Variants in PDZD2 observed in about 807,000 individuals in gnomAD.
The protein encoded by PDZD2 is PDZ domain containing 2.
A neutral mutation model predicts 220.7 loss-of-function variants in PDZD2; 90 were observed. The ratio of observed to expected loss-of-function variants is 0.41; its 90% CI spans 0.34 to 0.49. PDZD2 has a LOEUF of 0.49. Among genes scored for constraint, PDZD2 ranks in the 20% least tolerant of loss-of-function variants. The pLI, the probability that PDZD2 is intolerant of heterozygous loss-of-function variation, is 0.28. For synonymous variants in PDZD2, 1,375 were observed against 1,450.5 expected, an observed-to-expected ratio of 0.95 and a Z score of 1.18; for missense variants, 3,174 against 3,608.5, an observed-to-expected ratio of 0.88 and a Z score of 3.08.
Position 31,799,678 on chromosome 5 carries a change from TCA to T in PDZD2, c.432_433del (p.Leu145GlufsTer9). 4.3e-6 allele frequency: 7 copies of T among 1,613,994 alleles called. No homozygotes were observed. Among genetic ancestry groups the T allele is most frequent in the Non-Finnish European group, 5.9e-6 (7 of 1,179,958 alleles). ...GKVRLRDEILSLNGQLMVGVD... is the reference protein window; with the variant it reads ...GKVRLRDEILXLNGQLMVGVD... ...GGTCCGACTGCGGGATGAGATCCTC[TCA>T]CTGAATGGGCAGCTGATGGTTGGAG... On this transcript the variant is annotated frameshift_variant, in exon 2 of 25. Transcript: ENST00000438447. LOFTEE classifies it high-confidence loss of function.
At chr5:31,741,894 G>A (rs572970991) in intron 1 of PDZD2, 2 of 152,252 alleles carry the variant, frequency 1.3e-5, no homozygotes, top group Non-Finnish European at 2.9e-5. Context: ...CTTAACCCAG[G>A]ACCCTGCCTA....
At chr5:31,651,924 ATTTT>A (rs1250982422) in intron 1 of PDZD2, among the ~76,000 whole-genome samples, 26 of 148,472 alleles carry the variant, frequency 1.8e-4, no homozygotes, top group Admixed American at 2.0e-4. Flanking sequence ...GGTTCAAGCA[ATTTT>A]CCTGTCTCAG....
chr5:31,821,679 A>C (rs565639895), intron 2 of PDZD2, among the ~76,000 whole-genome samples: 14 of 151,978 alleles, frequency 9.2e-5, no homozygotes, highest in Non-Finnish European at 2.1e-4. Context: ...GTGCCCGGCC[A>C]TGATTTTTTT....
At chr5:31,700,080 T>C (rs951429199) in intron 1 of PDZD2, among the ~76,000 whole-genome samples, 4 of 152,066 alleles carry the variant, frequency 2.6e-5, no homozygotes, top group Admixed American at 2.6e-4. Context: ...CAGGAGTCTG[T>C]TGCAGTGCAC....
At chr5:32,058,790 C>A (rs141259091) in intron 12 of PDZD2, among the ~76,000 whole-genome samples, 1 of 152,204 alleles carries the variant, frequency 6.6e-6, no homozygotes, top group Admixed American at 6.5e-5. Context: ...AGAATTCATG[C>A]GTGATCACCA....
chr5:32,041,137 A>G (rs1381327082), intron 7 of PDZD2, among the ~76,000 whole-genome samples: 29 of 104,166 alleles, frequency 2.8e-4, no homozygotes, highest in South Asian at 1.4e-3. Flanking sequence ...CCGTCTGGGA[A>G]GTGGGGAGCG....
rs542858516 is a variant in PDZD2, at chr5:31,804,039, C to T, written c.476+4315C>T. On this transcript the variant is annotated intron_variant, in intron 2 of 24. Transcript: ENST00000438447. ...GCCTGGGCAACACAGCAAGACCCTGCGTCCAAAAAAAAAAAAAAGATACAG... is the reference window on the plus strand; with the variant it reads ...GCCTGGGCAACACAGCAAGACCCTGTGTCCAAAAAAAAAAAAAAGATACAG... 5.3e-3 allele frequency among the ~76,000 whole-genome samples: 705 copies of T among 133,278 alleles called. 4 individuals are homozygous for T. The highest frequency in any genetic ancestry group is 0.019 in the African/African-American group (662 of 34,478). 87.4% of individuals were successfully genotyped at this position (133,278 alleles called of 152,430 possible).
chr5:31,855,326 C>G (rs937785072), intron 2 of PDZD2, among the ~76,000 whole-genome samples: 2 of 152,240 alleles, frequency 1.3e-5, no homozygotes, highest in Non-Finnish European at 2.9e-5. Context: ...TCCCGGATCA[C>G]TGGGGTGTGT....
At chr5:31,932,664 A>G (rs902682439) in intron 2 of PDZD2, among the ~76,000 whole-genome samples, 1 of 152,250 alleles carries the variant, frequency 6.6e-6, no homozygotes, top group African/African-American at 2.4e-5. Context: ...TGTGGCATTA[A>G]GTACATTCAC....
intron 24 of PDZD2, chr5:32,103,488 G>A (rs1412465597): frequency 1.3e-5 from 2 of 152,198 alleles, no homozygotes; most frequent in African/African-American, 4.8e-5. Context: ...AGAAAGCCAA[G>A]AGAAAATTCT....
chr5:31,887,012 C>G (rs1740570401), intron 2 of PDZD2, among the ~76,000 whole-genome samples: 1 of 152,160 alleles, frequency 6.6e-6, no homozygotes, highest in Non-Finnish European at 1.5e-5. Flanking sequence ...GTACTTATCT[C>G]TTGAATGCCG....
chr5:32,044,203 C>T (rs533632913), intron 7 of PDZD2, among the ~76,000 whole-genome samples: 4 of 152,168 alleles, frequency 2.6e-5, no homozygotes, highest in Non-Finnish European at 4.4e-5. Flanking sequence ...GCGGCAGGTA[C>T]CTGTAATTGC....
intron 1 of PDZD2, among the ~76,000 whole-genome samples, chr5:31,786,473 G>A (rs946196517): frequency 3.3e-5 from 5 of 152,182 alleles, no homozygotes; most frequent in African/African-American, 1.2e-4. Flanking sequence ...TGGAAAAGCT[G>A]GGATAAGGTT....
intron 1 of PDZD2, among the ~76,000 whole-genome samples, chr5:31,720,515 A>C (rs1042005748): frequency 6.6e-6 from 1 of 152,208 alleles, no homozygotes. Context: ...TAGGAGGAAA[A>C]GAATACAAAT....
chr5:32,055,305 G>A (rs10461908), intron 10 of PDZD2, among the ~76,000 whole-genome samples: 17,632 of 152,052 alleles, frequency 0.12, 1,301 homozygotes, highest in Middle Eastern at 0.17. Context: ...GGGCACAAGG[G>A]ATCCTCCTGC....
chr5:31,667,855 CTTTTTTTTTTTTT>C (rs561833214), intron 1 of PDZD2, among the ~76,000 whole-genome samples: 5 of 77,970 alleles, frequency 6.4e-5, no homozygotes, highest in Non-Finnish European at 8.8e-5. Context: ...TTTTTTTTTC[CTTTTTTTTTTTTT>C]TTTTTTTTTT....
intron 2 of PDZD2, among the ~76,000 whole-genome samples, chr5:31,815,887 T>C (rs548079648): frequency 8.5e-5 from 13 of 152,326 alleles, no homozygotes; most frequent in Admixed American, 8.5e-4. Flanking sequence ...TTCAGCCATT[T>C]CATCCTCTTG....
intron 1 of PDZD2, among the ~76,000 whole-genome samples, chr5:31,693,783 T>C (rs958687613): frequency 6.6e-6 from 1 of 152,202 alleles, no homozygotes; most frequent in Non-Finnish European, 1.5e-5. Context: ...ACCGTCAGTC[T>C]CTATTCAGGA....
chr5:31,852,144 C>T (rs1758095067), intron 2 of PDZD2, among the ~76,000 whole-genome samples: 1 of 152,096 alleles, frequency 6.6e-6, no homozygotes, highest in African/African-American at 2.4e-5. Context: ...CGTGAGCCAC[C>T]GTGTCTGCCG....
Sources: gnomAD v4.1 joint callset for allele counts (sites outside exome capture counted in the v4.1 genomes callset) on GRCh38, gnomAD v4.1.1 for gene constraint, MANE v1.5 for transcripts, NCBI Gene and HGNC (gene_info 2026-07-23, HGNC 2026-07-21) for gene names.